RALYL: variants seen among roughly 807,000 people sequenced by gnomAD.
RALYL encodes RNA-binding Raly-like protein.
In RALYL, 29 loss-of-function variants were observed where a neutral mutation model predicts 35.1. That is an observed-to-expected ratio of 0.83 (90% CI 0.61 to 1.13). The LOEUF is 1.13. RALYL is among the 50% of genes most tolerant of loss of function. The pLI is 0.00. For missense variants in RALYL, 359 were observed against 360.4 expected, an observed-to-expected ratio of 1.00 and a Z score of 0.03; for synonymous variants, 120 against 127.6, an observed-to-expected ratio of 0.94 and a Z score of 0.40.
chr8:84,706,007 G>T (rs954240772), intron 2 of RALYL: 9 of 1,534,928 alleles, frequency 5.9e-6, no homozygotes, highest in Non-Finnish European at 7.9e-6. Flanking sequence ...TTCTTAGAAA[G>T]TCTAATTTTT....
intron 1 of RALYL, among the ~76,000 whole-genome samples, chr8:84,258,920 T>C (rs1831705615): frequency 6.6e-6 from 1 of 152,182 alleles, no homozygotes; most frequent in South Asian, 2.1e-4. Context: ...TTTGTGTTTC[T>C]GTTCTATCTT....
At chr8:84,774,155 G>T (rs751990976) in intron 2 of RALYL, among the ~76,000 whole-genome samples, 2 of 152,156 alleles carry the variant, frequency 1.3e-5, no homozygotes, top group Non-Finnish European at 2.9e-5. Flanking sequence ...GGAGTTCAAG[G>T]TTACAGTGAG....
intron 8 of RALYL, among the ~76,000 whole-genome samples, chr8:84,916,801 A>C (rs903631505): frequency 6.6e-6 from 1 of 152,160 alleles, no homozygotes; most frequent in Admixed American, 6.6e-5. Context: ...TATTGTTTTC[A>C]ATTTGAAATC....
At chr8:84,685,584 A>G (rs1836589326) in intron 2 of RALYL, among the ~76,000 whole-genome samples, 1 of 152,192 alleles carries the variant, frequency 6.6e-6, no homozygotes, top group Admixed American at 6.5e-5. Context: ...CACAGAAGTT[A>G]CTAATGGTAG....
At chr8:84,268,712 A>C (rs993894133) in intron 1 of RALYL, among the ~76,000 whole-genome samples, 1 of 152,158 alleles carries the variant, frequency 6.6e-6, no homozygotes, top group African/African-American at 2.4e-5. Flanking sequence ...TGATTGTTTT[A>C]TCTAGTCCAT....
At chr8:84,596,634 C>T (rs1814600752) in intron 2 of RALYL, among the ~76,000 whole-genome samples, 1 of 152,230 alleles carries the variant, frequency 6.6e-6, no homozygotes, top group South Asian at 2.1e-4. Flanking sequence ...CAACCCAACC[C>T]AAACTGCAGA....
intron 4 of RALYL, among the ~76,000 whole-genome samples, chr8:84,811,579 A>G (rs961806950): frequency 6.6e-6 from 1 of 152,178 alleles, no homozygotes; most frequent in Non-Finnish European, 1.5e-5. Context: ...AGGCCAGGGA[A>G]GTTTTCCTCG....
intron 5 of RALYL, among the ~76,000 whole-genome samples, chr8:84,852,673 A>C (rs1836114435): frequency 6.6e-6 from 1 of 152,204 alleles, no homozygotes; most frequent in Non-Finnish European, 1.5e-5. Context: ...AGGAGACCCA[A>C]GTTCTGGTTG....
In RALYL at chr8:84,668,115, T is replaced by C. The variant is rs540197836; in HGVS notation, c.257-106464T>C. Among the ~76,000 whole-genome samples the C allele has an allele frequency of 4.6e-5, 7 of 152,308 alleles. No homozygotes were observed. The South Asian group carries it at 1.2e-3, about 27-fold the overall frequency. Reference sequence around the variant, plus strand: ...GTGTGATAATAGCAGGCAATCGTTTTATAAATTACCACTTCATTTCATGGG... The same window carrying C: ...GTGTGATAATAGCAGGCAATCGTTTCATAAATTACCACTTCATTTCATGGG... On this transcript the variant is annotated intron_variant, in intron 2 of 8. Coordinates refer to ENST00000521268, the MANE Select transcript of RALYL (RefSeq NM_173848.7).
At chr8:84,755,506 G>T (rs144807833) in intron 2 of RALYL, among the ~76,000 whole-genome samples, 2 of 152,260 alleles carry the variant, frequency 1.3e-5, no homozygotes, top group African/African-American at 4.8e-5. Flanking sequence ...CTGGACTTCA[G>T]TTCAGTCCTG....
intron 2 of RALYL, among the ~76,000 whole-genome samples, chr8:84,759,502 T>A (rs2718984): frequency 2.0e-5 from 3 of 151,932 alleles, no homozygotes; most frequent in African/African-American, 7.3e-5. Flanking sequence ...CCTTTCTCTT[T>A]CTCAGGTATC....
chr8:84,212,657 G>A (rs184945357), intron 1 of RALYL, among the ~76,000 whole-genome samples: 1 of 152,024 alleles, frequency 6.6e-6, no homozygotes, highest in Non-Finnish European at 1.5e-5. Context: ...GTATAAGTGA[G>A]GTAAAGCAAA....
chr8:84,462,438 T>G lies in RALYL; in HGVS notation c.-23-66861T>G, dbSNP rs1175632661. On this transcript the variant is annotated intron_variant, in intron 1 of 8. Transcript: ENST00000521268. The stretch of plus-strand genomic sequence containing the variant: ...TTTCAAAGAGCAGTTTTTACTCTCT[T>G]TGTAAAAAAAAAAAAGGCAGTTTGA... 2.8e-5 allele frequency among the ~76,000 whole-genome samples: 4 copies of G among 144,528 alleles called. 1 individual carries two copies. Among genetic ancestry groups the G allele is most frequent in the South Asian group, 4.3e-4 (2 of 4,698 alleles). The allele number at this position is 144,528 out of a possible 152,430, so 94.8% of individuals were successfully genotyped here. A position where few individuals can be genotyped will look rare whatever the true frequency, so the allele number is the denominator to read the frequency against.
rs538867622 is a variant in RALYL at position 84,234,432 on chromosome 8, C to T, written c.-24+50008C>T. ...TTGCAAGACTTCTTCAACCTGAATC[C>T]TTGAGCTTAAACTGATGACCAGGAT... On this transcript the variant is annotated intron_variant, in intron 1 of 8. Transcript: ENST00000521268. Among the ~76,000 whole-genome samples the T allele has an allele frequency of 4.6e-5, 7 of 152,252 alleles. No individual in the cohort carries two copies. The South Asian group carries it at 6.2e-4, about 14-fold the overall frequency.
At chr8:84,521,744 T>A (rs1202411734) in intron 1 of RALYL, among the ~76,000 whole-genome samples, 1 of 152,208 alleles carries the variant, frequency 6.6e-6, no homozygotes, top group East Asian at 1.9e-4. Flanking sequence ...GACTTACCAA[T>A]ATCCATTGAT....
At position 84,552,833 on chromosome 8, in the gene RALYL, A is replaced by G. The variant is rs181794638; in HGVS notation, c.256+23256A>G. Among the ~76,000 whole-genome samples, 8 of 152,064 alleles carry G rather than the reference A, an allele frequency of 5.3e-5. No individual in the cohort carries two copies. In the East Asian group the frequency reaches 1.6e-3, roughly 30 times the overall value. ...TTTAAAATATTTCCATCAAATTTTTATAGTAAGTAGCATTCAAAATGAGGA... is the reference window on the plus strand; with the variant it reads ...TTTAAAATATTTCCATCAAATTTTTGTAGTAAGTAGCATTCAAAATGAGGA... On this transcript the variant is annotated intron_variant, in intron 2 of 8. Coordinates refer to ENST00000521268, the MANE Select transcript of RALYL (RefSeq NM_173848.7).
At chr8:84,678,052 A>G (rs1390316764) in intron 2 of RALYL, among the ~76,000 whole-genome samples, 1 of 152,072 alleles carries the variant, frequency 6.6e-6, no homozygotes, top group African/African-American at 2.4e-5. Flanking sequence ...TTACCAACCA[A>G]TTGAAAAAAA....
rs540266246 is a variant in RALYL, at chr8:84,223,259, A to G, written c.-24+38835A>G. On this transcript the variant is annotated intron_variant, in intron 1 of 8. Coordinates refer to ENST00000521268, the MANE Select transcript of RALYL (RefSeq NM_173848.7). ...TTCCCTTCCCTTCCTTCTTTCCTTC[A>G]TGTCTCTTTTAAATGTCTAGAATTT... Among the ~76,000 whole-genome samples the G allele has an allele frequency of 6.9e-5, 7 of 101,092 alleles. No homozygotes were observed. In the Admixed American group the frequency reaches 8.0e-4, roughly 12 times the overall value. The allele number at this position is 101,092 out of a possible 152,430, so 66.3% of individuals were successfully genotyped here.
At chr8:84,556,851 C>T (rs956398225) in intron 2 of RALYL, among the ~76,000 whole-genome samples, 8 of 152,032 alleles carry the variant, frequency 5.3e-5, no homozygotes, top group East Asian at 1.9e-4. Flanking sequence ...ATCTGAACAC[C>T]GACCACACCG....
Sources: allele counts gnomAD v4.1 joint callset (sites outside exome capture counted in the v4.1 genomes callset), GRCh38; gene constraint gnomAD v4.1.1; transcripts MANE v1.5; gene names NCBI Gene and HGNC (gene_info 2026-07-23, HGNC 2026-07-21).